GARIN2: variants seen among roughly 807,000 people sequenced by gnomAD.
GARIN2 encodes golgi associated RAB2 interactor family member 2, also known as Golgi-associated RAB2 interactor protein 2.
the GARIN2 span, among the ~76,000 whole-genome samples, chr14:67,213,312 C>A: frequency 1.9e-5 from 2 of 106,146 alleles, no homozygotes; most frequent in Non-Finnish European, 3.7e-5. Context: ...TATCCCTCCC[C>A]CCTCCCCCCA....
At chr14:67,190,141 C>A in the GARIN2 span, among the ~76,000 whole-genome samples, 4 of 149,576 alleles carry the variant, frequency 2.7e-5, no homozygotes, top group African/African-American at 9.9e-5. Flanking sequence ...TCTTTAACTC[C>A]TGACCTCAGG....
chr14:67,190,877 C>T, the GARIN2 span, among the ~76,000 whole-genome samples: 4 of 152,158 alleles, frequency 2.6e-5, no homozygotes, highest in African/African-American at 4.8e-5. Context: ...AATAATTAAC[C>T]TCAAAGCTCC....
the GARIN2 span, among the ~76,000 whole-genome samples, chr14:67,202,666 TA>T: frequency 1.3e-5 from 2 of 152,196 alleles, no homozygotes; most frequent in Admixed American, 6.5e-5. Context: ...ATATTATTTG[TA>T]AATTTGTATG....
chr14:67,201,365 C>T, the GARIN2 span: 8 of 437,148 alleles, frequency 1.8e-5, no homozygotes, highest in Non-Finnish European at 2.7e-5. Flanking sequence ...GTGAAAGAGC[C>T]CCAGGGCATC....
chr14:67,225,128 T>C, the GARIN2 span: 1 of 1,580,438 alleles, frequency 6.3e-7, no homozygotes. Context: ...TTCTCTCCCC[T>C]CATATCAAAT....
At chr14:67,199,334 C>G in the GARIN2 span, 1 of 1,613,872 alleles carries the variant, frequency 6.2e-7, no homozygotes, top group Non-Finnish European at 8.5e-7. Flanking sequence ...GGCATCAGCT[C>G]ACAACAAAAA....
At chr14:67,221,749 A>AT in the GARIN2 span, 3 of 1,611,588 alleles carry the variant, frequency 1.9e-6, no homozygotes, top group Admixed American at 5.0e-5. Context: ...ATGCTGGCAA[A>AT]TTTTTGAGAT....
chr14:67,226,947 C>T, the GARIN2 span, among the ~76,000 whole-genome samples: 1 of 152,200 alleles, frequency 6.6e-6, no homozygotes, highest in Admixed American at 6.5e-5. Context: ...GTCTGAAGCT[C>T]TGCCATCTTT....
chr14:67,208,301 A>C, the GARIN2 span: 2 of 1,614,022 alleles, frequency 1.2e-6, no homozygotes, highest in South Asian at 2.2e-5. Context: ...CTCAAACATA[A>C]CACTGACTTT....
the GARIN2 span, chr14:67,200,494 A>C: frequency 2.8e-6 from 1 of 353,142 alleles, no homozygotes; most frequent in Non-Finnish European, 5.1e-6. Flanking sequence ...TTTCTTTTTT[A>C]TGTTGGTCCT....
At chr14:67,216,060 C>A in the GARIN2 span, among the ~76,000 whole-genome samples, 36 of 152,216 alleles carry the variant, frequency 2.4e-4, no homozygotes, top group Admixed American at 2.0e-3. Flanking sequence ...GAGTTCCACA[C>A]ACGCCTCCCA....
At chr14:67,226,850 T>G in the GARIN2 span, among the ~76,000 whole-genome samples, 1 of 152,236 alleles carries the variant, frequency 6.6e-6, no homozygotes, top group Admixed American at 6.5e-5. Context: ...GCTCCTAATA[T>G]TCCCCTTAAC....
At chr14:67,221,824 A>AGCTGGATGTGGTCTCTCATGC in the GARIN2 span, 1 of 1,612,248 alleles carries the variant, frequency 6.2e-7, no homozygotes, top group African/African-American at 1.3e-5. Flanking sequence ...AACAAATTCC[A>AGCTGGATGTGGTCTCTCATGC]CTACATGTTT....
the GARIN2 span, among the ~76,000 whole-genome samples, chr14:67,194,431 A>G: frequency 2.1e-4 from 32 of 151,816 alleles, no homozygotes; most frequent in Non-Finnish European, 4.6e-4. Context: ...TACGATGATG[A>G]GGGGGGCGTG....
the GARIN2 span, among the ~76,000 whole-genome samples, chr14:67,226,166 T>C: frequency 2.0e-5 from 3 of 152,114 alleles, no homozygotes; most frequent in Non-Finnish European, 4.4e-5. Flanking sequence ...CACTTGAGCA[T>C]TTTGTTTATT....
At chr14:67,220,728 T>C in the GARIN2 span, among the ~76,000 whole-genome samples, 1 of 152,210 alleles carries the variant, frequency 6.6e-6, no homozygotes, top group Non-Finnish European at 1.5e-5. Flanking sequence ...TTTTTCAAGG[T>C]ACATTTACCT....
the GARIN2 span, chr14:67,199,864 G>A: frequency 2.7e-6 from 4 of 1,494,848 alleles, no homozygotes; most frequent in African/African-American, 4.2e-5. Context: ...TATGCCTCCT[G>A]GGGCTGCAGG....
the GARIN2 span, chr14:67,199,941 C>G: frequency 2.9e-6 from 4 of 1,388,830 alleles, no homozygotes; most frequent in Non-Finnish European, 3.9e-6. Flanking sequence ...CCCAAGCTCA[C>G]CCATTCCCAC....
the GARIN2 span, among the ~76,000 whole-genome samples, chr14:67,202,828 T>G: frequency 1.3e-3 from 195 of 152,322 alleles, 4 homozygotes; most frequent in East Asian, 0.035. Context: ...ATCCTGGACT[T>G]GTACTTGGTA....
Sources: gnomAD v4.1 joint callset for allele counts (sites outside exome capture counted in the v4.1 genomes callset) on GRCh38, gnomAD v4.1.1 for gene constraint, MANE v1.5 for transcripts, NCBI Gene and HGNC (gene_info 2026-07-23, HGNC 2026-07-21) for gene names.